SLC17A5: variants seen among roughly 807,000 people sequenced by gnomAD.
SLC17A5 encodes the protein solute carrier family 17 member 5.
SLC17A5 carries 47 observed loss-of-function variants against 59.4 expected under a neutral mutation model. The observed-to-expected ratio is 0.79, with a 90% CI of 0.63 to 1.01. The LOEUF (loss-of-function observed/expected upper bound fraction) is 1.01. Ranked by LOEUF, SLC17A5 falls within the 50% of genes least tolerant of loss-of-function variation. The pLI is 0.00. For missense variants in SLC17A5, 522 were observed against 595.5 expected, an observed-to-expected ratio of 0.88 and a Z score of 1.28; for synonymous variants, 202 against 210.7, an observed-to-expected ratio of 0.96 and a Z score of 0.36.
At chr6:73,653,226 C>G in intron 1 of SLC17A5, 2 of 985,390 alleles carry the variant, frequency 2.0e-6, no homozygotes, top group Non-Finnish European at 2.4e-6. Context: ...AATGTTAACT[C>G]CAGTCCTTTT....
chr6:73,601,754 G>A (rs1403996790), intron 9 of SLC17A5, among the ~76,000 whole-genome samples: 2 of 136,020 alleles, frequency 1.5e-5, no homozygotes, highest in Middle Eastern at 4.5e-3. Context: ...CTGCCCAGCC[G>A]CCCCTACTGA....
intron 7 of SLC17A5, among the ~76,000 whole-genome samples, chr6:73,620,707 G>C (rs1444363917): frequency 1.3e-5 from 2 of 151,792 alleles, no homozygotes; most frequent in Admixed American, 1.3e-4. Flanking sequence ...CAGTTGTGCA[G>C]TCAGCCTTGT....
chr6:73,650,507 CAAA>C (rs999445559), intron 1 of SLC17A5, among the ~76,000 whole-genome samples: 1 of 35,542 alleles, frequency 2.8e-5, no homozygotes, highest in Non-Finnish European at 6.3e-5. Flanking sequence ...GACTCCGTCT[CAAA>C]AAAAAAAAAA....
chr6:73,595,890 G>A (rs941119301), intron 10 of SLC17A5, among the ~76,000 whole-genome samples: 1 of 148,022 alleles, frequency 6.8e-6, no homozygotes, highest in South Asian at 2.2e-4. Context: ...TTTTCTTTGT[G>A]TGTGTATATA....
intron 9 of SLC17A5, among the ~76,000 whole-genome samples, chr6:73,601,543 C>T (rs1179443233): frequency 2.0e-5 from 2 of 99,784 alleles, no homozygotes; most frequent in East Asian, 2.5e-4. Flanking sequence ...CCAGCCAACC[C>T]GTCCGGGAGG....
At chr6:73,641,044 G>A (rs1273006486) in intron 3 of SLC17A5, among the ~76,000 whole-genome samples, 3 of 152,100 alleles carry the variant, frequency 2.0e-5, no homozygotes, top group Admixed American at 1.3e-4. Flanking sequence ...AGAGTTTAAC[G>A]GTGGCAAGAG....
At chr6:73,624,132 G>T (rs1561993529) in intron 6 of SLC17A5, among the ~76,000 whole-genome samples, 1 of 151,922 alleles carries the variant, frequency 6.6e-6, no homozygotes, top group Non-Finnish European at 1.5e-5. Context: ...GGCTGGGCAT[G>T]GTGGCTCACA....
At chr6:73,610,658 C>G (rs1225120699) in intron 8 of SLC17A5, 111 bp from the exon 9 acceptor site, 4 of 1,164,114 alleles carry the variant, frequency 3.4e-6, no homozygotes, top group Non-Finnish European at 4.9e-6. Flanking sequence ...TGTAGAAACA[C>G]TATATTGCCT....
At position 73,618,299 on chromosome 6, in the gene SLC17A5, AAAATAAAAT is replaced by A. The variant is rs1208215150; in HGVS notation, c.979-2861_979-2853del. On this transcript the variant is annotated intron_variant, in intron 7 of 10. Transcript: ENST00000355773. ...AAAATAAAATAAAATAAAATAAAATAAAATAAAATGAGTTTCTGGTTGTGACGACCTACC... is the reference window on the plus strand; with the variant it reads ...AAAATAAAATAAAATAAAATAAAATAGAGTTTCTGGTTGTGACGACCTACC... 10 of 147,262 alleles carry A rather than the reference AAAATAAAAT, an allele frequency of 6.8e-5. No homozygotes were observed. The East Asian group carries it at 1.5e-3, about 21-fold the overall frequency. 9.1% of individuals were successfully genotyped at this position (147,262 alleles called of 1,614,324 possible).
At chr6:73,610,322 C>T (rs1767587562) in intron 9 of SLC17A5, 78 bp downstream of exon 9, 1 of 1,547,930 alleles carries the variant, frequency 6.5e-7, no homozygotes, top group Admixed American at 1.7e-5. Flanking sequence ...GTGTGAGTCA[C>T]CGCCTCTGGC....
At chr6:73,641,611 C>A in intron 3 of SLC17A5, 80 bp downstream of exon 3, 2 of 1,102,196 alleles carry the variant, frequency 1.8e-6, no homozygotes, top group Non-Finnish European at 2.7e-6. Flanking sequence ...GGTTCATATT[C>A]ATACCAAAGA....
intron 2 of SLC17A5, among the ~76,000 whole-genome samples, chr6:73,643,318 G>A (rs887897771): frequency 6.6e-5 from 10 of 150,884 alleles, no homozygotes; most frequent in Non-Finnish European, 1.5e-4. Context: ...CCACCACCTC[G>A]CCCGTCTAAT....
chr6:73,644,424 C>T lies in SLC17A5; in HGVS notation c.274G>A (p.Val92Ile). 1.2e-6 allele frequency: 2 copies of T among 1,613,670 alleles called. No homozygotes were observed. Among genetic ancestry groups the T allele is most frequent in the Non-Finnish European group, 1.7e-6 (2 of 1,179,818 alleles). Residue 92 changes from valine (V) to isoleucine (I), a missense_variant, in exon 2 of 11, where the codon GTT becomes ATT. Val to Ile is a conservative substitution (Grantham distance 29, BLOSUM62 3). This residue lies in a region of SLC17A5 where 338 missense variants were observed against 363.8 expected (regional missense o/e 0.93). Coordinates refer to ENST00000355773, the MANE Select transcript of SLC17A5 (RefSeq NM_012434.5). ...ACPEHSAPIK[V>I]HHNQTGKKYQ... ...GCACCTACCGTTTGATTATGATGAA[C>T]TTTTATGGGAGCAGAATGCTCTGGA...
At chr6:73,598,132 C>T (rs1334025414) in intron 10 of SLC17A5, among the ~76,000 whole-genome samples, 2 of 152,174 alleles carry the variant, frequency 1.3e-5, no homozygotes, top group Non-Finnish European at 2.9e-5. Flanking sequence ...TATCTGAAGG[C>T]AATGAGTGAA....
At chr6:73,637,470 ATCT>A (rs1769068319) in intron 4 of SLC17A5, among the ~76,000 whole-genome samples, 1 of 152,196 alleles carries the variant, frequency 6.6e-6, no homozygotes, top group Admixed American at 6.5e-5. Flanking sequence ...TGCAAGAATA[ATCT>A]TCTTAAAATG....
intron 1 of SLC17A5, among the ~76,000 whole-genome samples, chr6:73,652,554 A>G (rs1396049645): frequency 6.6e-6 from 1 of 152,208 alleles, no homozygotes; most frequent in African/African-American, 2.4e-5. Flanking sequence ...CAATGTAATA[A>G]TCTCTGGCAA....
chr6:73,621,091 C>G (rs558577638), intron 7 of SLC17A5, among the ~76,000 whole-genome samples: 1 of 151,900 alleles, frequency 6.6e-6, no homozygotes, highest in Non-Finnish European at 1.5e-5. Context: ...CCACAATTTC[C>G]GCTTCCCGGG....
chr6:73,650,756 G>A (rs958628099), intron 1 of SLC17A5, among the ~76,000 whole-genome samples: 3 of 151,654 alleles, frequency 2.0e-5, no homozygotes, highest in Non-Finnish European at 4.4e-5. Context: ...GCAAAATGGA[G>A]AGGGCTGAAA....
In SLC17A5 at chr6:73,646,193, A is replaced by C. The variant is rs536094579; in HGVS notation, c.95-1590T>G. 2.0e-5 allele frequency among the ~76,000 whole-genome samples: 3 copies of C among 152,330 alleles called. No individual in the cohort carries two copies. The South Asian group carries it at 6.2e-4, about 32-fold the overall frequency. ...TGTGTGTATGTTTTTCCCCTACTTA[A>C]GAATCCTGGTGTTTTCATTAACCTA... On this transcript the variant is annotated intron_variant, in intron 1 of 10. Coordinates refer to ENST00000355773, the MANE Select transcript of SLC17A5 (RefSeq NM_012434.5).
Sources: allele counts gnomAD v4.1 joint callset (sites outside exome capture counted in the v4.1 genomes callset), GRCh38; gene constraint gnomAD v4.1.1; regional missense constraint gnomAD v4.1.1; transcripts MANE v1.5; gene names NCBI Gene and HGNC (gene_info 2026-07-23, HGNC 2026-07-21).